The following SLIT2 variants were observed in gnomAD, a reference collection of about 807,000 sequenced individuals.
The protein encoded by SLIT2 is slit homolog 2 protein.
In SLIT2, 41 loss-of-function variants were observed where a neutral mutation model predicts 185.7. The observed-to-expected ratio is 0.22, with a 90% CI of 0.17 to 0.29. The LOEUF is 0.29. Ranked by LOEUF, SLIT2 falls within the 10% of genes least tolerant of loss-of-function variation. SLIT2 has a pLI of 1.00. For missense variants in SLIT2, 1,571 were observed against 1,909.0 expected (o/e 0.82, Z 3.30); for synonymous variants, 693 against 680.2 (o/e 1.02, Z -0.29).
At chr4:20,329,917 G>A (rs1719922522) in intron 4 of SLIT2, among the ~76,000 whole-genome samples, 2 of 152,046 alleles carry the variant, frequency 1.3e-5, no homozygotes, top group African/African-American at 2.4e-5. Context: ...CTGCTCTCAT[G>A]AGGGTTTTCT....
At chr4:20,301,104 C>G (rs1436596852) in intron 4 of SLIT2, among the ~76,000 whole-genome samples, 2 of 152,030 alleles carry the variant, frequency 1.3e-5, no homozygotes, top group African/African-American at 2.4e-5. Flanking sequence ...CCTGTTTTCT[C>G]ATATATTCAA....
At chr4:20,265,384 G>A (rs1023572332) in intron 3 of SLIT2, among the ~76,000 whole-genome samples, 3 of 151,824 alleles carry the variant, frequency 2.0e-5, no homozygotes, top group Non-Finnish European at 4.4e-5. Context: ...TTTAACCTTA[G>A]TATGGATGGA....
At chr4:20,441,754 T>C (rs1210275424) in intron 4 of SLIT2, among the ~76,000 whole-genome samples, 1 of 152,204 alleles carries the variant, frequency 6.6e-6, no homozygotes, top group Non-Finnish European at 1.5e-5. Context: ...CAAGTCAGAC[T>C]GTGATCATTC....
chr4:20,576,215 T>C (rs1194826961), intron 29 of SLIT2, among the ~76,000 whole-genome samples: 1 of 152,224 alleles, frequency 6.6e-6, no homozygotes, highest in African/African-American at 2.4e-5. Context: ...AGAATTCTTA[T>C]GGGAATTCTT....
chr4:20,325,964 A>G lies in SLIT2; in HGVS notation c.395+57083A>G, dbSNP rs577235149. On this transcript the variant is annotated intron_variant, in intron 4 of 36. Coordinates refer to ENST00000504154, the MANE Select transcript of SLIT2 (RefSeq NM_004787.4). ...CCCTTTCTCTGGCAGCCAAAAATTT[A>G]GTGCTTGGTTTTGTGTTAAATGGCA... Among the ~76,000 whole-genome samples the G allele has an allele frequency of 5.9e-5, 9 of 152,246 alleles. No individual in the cohort carries two copies. In the East Asian group the frequency reaches 7.7e-4, roughly 13 times the overall value.
At chr4:20,337,228 A>G (rs907351180) in intron 4 of SLIT2, among the ~76,000 whole-genome samples, 1 of 152,192 alleles carries the variant, frequency 6.6e-6, no homozygotes, top group African/African-American at 2.4e-5. Context: ...GTGGCTGGGA[A>G]GGCCTCACAA....
intron 9 of SLIT2, among the ~76,000 whole-genome samples, chr4:20,503,156 T>C (rs1408483140): frequency 6.6e-6 from 1 of 152,182 alleles, no homozygotes; most frequent in Non-Finnish European, 1.5e-5. Context: ...GATTGATGAT[T>C]AATCAGCTAG....
At chr4:20,526,650 T>A (rs540567877) in intron 15 of SLIT2, among the ~76,000 whole-genome samples, 1 of 152,310 alleles carries the variant, frequency 6.6e-6, no homozygotes, top group East Asian at 1.9e-4. Context: ...CTGATATAGT[T>A]TTTCCCTGTT....
intron 4 of SLIT2, among the ~76,000 whole-genome samples, chr4:20,272,226 G>T (rs1713700853): frequency 6.6e-6 from 1 of 151,264 alleles, no homozygotes; most frequent in Non-Finnish European, 1.5e-5. Flanking sequence ...CAGATGGAAA[G>T]TGCAAGTCCA....
At chr4:20,571,368 T>C (rs1012252745) in intron 29 of SLIT2, among the ~76,000 whole-genome samples, 3 of 152,178 alleles carry the variant, frequency 2.0e-5, no homozygotes, top group Non-Finnish European at 4.4e-5. Flanking sequence ...ATGGGTCTTG[T>C]GGGCCATGAA....
At chr4:20,499,460 A>G (rs186964774) in intron 9 of SLIT2, among the ~76,000 whole-genome samples, 2 of 152,206 alleles carry the variant, frequency 1.3e-5, no homozygotes, top group Admixed American at 1.3e-4. Context: ...TTGAATCCAC[A>G]TATTTCAAAG....
At chr4:20,273,748 G>A (rs192300889) in intron 4 of SLIT2, among the ~76,000 whole-genome samples, 1 of 152,188 alleles carries the variant, frequency 6.6e-6, no homozygotes, top group African/African-American at 2.4e-5. Flanking sequence ...AGTCTCATAG[G>A]TTTCTTGGAG....
At chr4:20,447,129 A>C (rs1711899412) in intron 4 of SLIT2, among the ~76,000 whole-genome samples, 1 of 152,218 alleles carries the variant, frequency 6.6e-6, no homozygotes, top group Non-Finnish European at 1.5e-5. Flanking sequence ...CTTTGGATGG[A>C]AAACATCAAC....
intron 4 of SLIT2, among the ~76,000 whole-genome samples, chr4:20,405,515 G>A (rs1257386638): frequency 1.3e-5 from 2 of 151,908 alleles, no homozygotes. Context: ...GTGTGAGAGT[G>A]TAAAGCATAG....
chr4:20,551,981 C>T (rs1167141684), intron 25 of SLIT2, among the ~76,000 whole-genome samples: 1 of 152,162 alleles, frequency 6.6e-6, no homozygotes, highest in African/African-American at 2.4e-5. Context: ...GTACATCAGT[C>T]TATCAGACTG....
chr4:20,318,556 T>A (rs1431038190), intron 4 of SLIT2, among the ~76,000 whole-genome samples: 1 of 152,158 alleles, frequency 6.6e-6, no homozygotes, highest in Non-Finnish European at 1.5e-5. Flanking sequence ...CTGTTGCTTT[T>A]TGCAATATTT....
intron 4 of SLIT2, among the ~76,000 whole-genome samples, chr4:20,450,533 C>G (rs923479926): frequency 1.3e-5 from 2 of 152,134 alleles, no homozygotes; most frequent in Admixed American, 1.3e-4. Context: ...ATGACTCACT[C>G]CAGATGGACA....
chr4:20,298,906 A>G (rs1383817119), intron 4 of SLIT2, among the ~76,000 whole-genome samples: 2 of 152,222 alleles, frequency 1.3e-5, no homozygotes, highest in South Asian at 4.1e-4. Flanking sequence ...AGAGGTTGAT[A>G]GTAAGCTCTT....
intron 16 of SLIT2, among the ~76,000 whole-genome samples, chr4:20,529,384 G>A (rs1721585716): frequency 6.6e-6 from 1 of 151,968 alleles, no homozygotes; most frequent in Non-Finnish European, 1.5e-5. Context: ...TATTTATTGG[G>A]TATTATTTAT....
Sources: allele counts gnomAD v4.1 joint callset (sites outside exome capture counted in the v4.1 genomes callset), GRCh38; gene constraint gnomAD v4.1.1; transcripts MANE v1.5; gene names NCBI Gene and HGNC (gene_info 2026-07-23, HGNC 2026-07-21).